Variants in CTNND2 observed in about 807,000 individuals in gnomAD.
The protein encoded by CTNND2 is catenin delta 2, also known as catenin delta-2.
CTNND2 carries 22 observed loss-of-function variants against 144.4 expected under a neutral mutation model. The observed-to-expected ratio is 0.15, with a 90% confidence interval of 0.11 to 0.22. The LOEUF (loss-of-function observed/expected upper bound fraction) is 0.22, where lower values mean the gene tolerates loss of function less well. Among genes scored for constraint, CTNND2 ranks in the 10% least tolerant of loss-of-function variants. The pLI, the probability that CTNND2 is intolerant of heterozygous loss-of-function variation, is 1.00. For synonymous variants in CTNND2, 751 were observed against 695.6 expected, an observed-to-expected ratio of 1.08 and a Z score of -1.25; for missense variants, 1,353 against 1,618.8, an observed-to-expected ratio of 0.84 and a Z score of 2.82.
chr5:11,004,147 C>T (rs1364412698), intron 18 of CTNND2, among the ~76,000 whole-genome samples: 6 of 152,274 alleles, frequency 3.9e-5, no homozygotes, highest in African/African-American at 4.8e-5. Flanking sequence ...AACAAAGAAA[C>T]GAAAACACCT....
Position 11,110,985 on chromosome 5 carries a change from G to A in CTNND2, c.2336C>T (p.Thr779Met), listed in dbSNP as rs769054597. The A allele has an allele frequency of 6.2e-6, 10 of 1,614,050 alleles. No individual in the cohort carries two copies. The highest frequency in any genetic ancestry group is 1.7e-4 in the Middle Eastern group (1 of 6,060). Reference sequence around the variant, plus strand: ...CGTGCCCATGTGCTGTCCCTGAGACGTTTCTGCCGCCAGCCGGTACGAGAG... The same window carrying A: ...CGTGCCCATGTGCTGTCCCTGAGACATTTCTGCCGCCAGCCGGTACGAGAG... ...RNLSYRLAAE[T>M]SQGQHMGTDE... The change falls in exon 14 of 22, where the codon ACG becomes ATG. Residue 779 changes from threonine (T) to methionine (M), a missense_variant. By Grantham distance (81) the Thr-to-Met change is moderately conservative. Transcript: ENST00000304623.
At chr5:11,232,726 T>C (rs1741173675) in intron 10 of CTNND2, among the ~76,000 whole-genome samples, 1 of 152,238 alleles carries the variant, frequency 6.6e-6, no homozygotes, top group Admixed American at 6.5e-5. Context: ...GTTAAGACTT[T>C]GGGGATTGTT....
rs373999031 is a variant in CTNND2 at position 11,580,835 on chromosome 5, A to G, written c.175-15779T>C. ...GTGAGACTGACTTTTTCACTGACAC[A>G]GTAGACTTTGAAAAACCATTTGAAA... On this transcript the variant is annotated intron_variant, in intron 2 of 21. Coordinates refer to ENST00000304623, the MANE Select transcript of CTNND2 (RefSeq NM_001332.4). Among the ~76,000 whole-genome samples the G allele has an allele frequency of 3.2e-4, 48 of 152,334 alleles. 1 individual carries two copies. The South Asian group carries it at 1.0e-2, about 32-fold the overall frequency.
chr5:10,986,630 A>G (rs577663662), intron 20 of CTNND2: 18 of 456,132 alleles, frequency 3.9e-5, no homozygotes, highest in African/African-American at 1.0e-4. Flanking sequence ...GTGAATGTGA[A>G]TAGTAACCTA....
chr5:11,662,151 AT>A, intron 2 of CTNND2, among the ~76,000 whole-genome samples: 1 of 118,972 alleles, frequency 8.4e-6, no homozygotes, highest in South Asian at 2.4e-4. Flanking sequence ...ATATACACAT[AT>A]ATATGTGTAT....
At chr5:11,709,329 GC>G (rs1785896975) in intron 2 of CTNND2, among the ~76,000 whole-genome samples, 1 of 152,132 alleles carries the variant, frequency 6.6e-6, no homozygotes, top group African/African-American at 2.4e-5. Context: ...AACATTACCA[GC>G]TAGAGTTAAC....
At chr5:11,409,973 T>C (rs1224653361) in intron 5 of CTNND2, among the ~76,000 whole-genome samples, 2 of 152,102 alleles carry the variant, frequency 1.3e-5, no homozygotes, top group African/African-American at 4.8e-5. Flanking sequence ...ATTTATTAAA[T>C]GTTACTCCTT....
At chr5:11,237,425 G>A (rs1741774141) in intron 9 of CTNND2, among the ~76,000 whole-genome samples, 1 of 152,106 alleles carries the variant, frequency 6.6e-6, no homozygotes, top group African/African-American at 2.4e-5. Flanking sequence ...TAAAGATTAT[G>A]AAAAAATAAC....
rs141302945 is a variant in CTNND2, at chr5:11,397,050, G to A, written c.593C>T (p.Thr198Met). ...ACCTACCTGGCTGAAGCTCTGGCCCGTAGCTCGGGCTTGTGTGCCTCGGGC... is the reference window on the plus strand; with the variant it reads ...ACCTACCTGGCTGAAGCTCTGGCCCATAGCTCGGGCTTGTGTGCCTCGGGC... ...LPARGTQARA[T>M]GQSFSQGTTS... is the part of the protein sequence containing the mutation. The change falls in exon 6 of 22, where the codon ACG (threonine) becomes ATG (methionine). Residue 198 changes from threonine to methionine, a missense_variant. Coordinates refer to ENST00000304623, the MANE Select transcript of CTNND2 (RefSeq NM_001332.4). The A allele has an allele frequency of 4.0e-5, 65 of 1,613,588 alleles. No homozygotes were observed. Among genetic ancestry groups the A allele is most frequent in the Admixed American group, 1.2e-4 (7 of 60,022 alleles).
chr5:11,864,620 G>A (rs1175231279), intron 1 of CTNND2, among the ~76,000 whole-genome samples: 1 of 152,156 alleles, frequency 6.6e-6, no homozygotes, highest in East Asian at 1.9e-4. Flanking sequence ...CTCAGCCACA[G>A]GACTGCTAAC....
rs115023348 is a variant in CTNND2 at position 11,038,608 on chromosome 5, T to C, written c.2789-15629A>G. 5.4e-3 allele frequency among the ~76,000 whole-genome samples: 819 copies of C among 152,236 alleles called. 6 individuals carry two copies. The highest frequency in any genetic ancestry group is 0.015 in the African/African-American group (618 of 41,546). ...AAACTTGGAGCTCAGAGAGATGGAA[T>C]AATCTTTGAGACCTAGGTAGTGGAT... On this transcript the variant is annotated intron_variant, in intron 16 of 21. Coordinates refer to ENST00000304623, the MANE Select transcript of CTNND2 (RefSeq NM_001332.4).
chr5:11,114,012 G>A (rs1753290878), intron 13 of CTNND2, among the ~76,000 whole-genome samples: 1 of 152,062 alleles, frequency 6.6e-6, no homozygotes, highest in Non-Finnish European at 1.5e-5. Flanking sequence ...CACAGGCTCT[G>A]AGTCAACCTG....
At chr5:11,213,132 T>G (rs1738810630) in intron 10 of CTNND2, among the ~76,000 whole-genome samples, 1 of 152,220 alleles carries the variant, frequency 6.6e-6, no homozygotes, top group South Asian at 2.1e-4. Flanking sequence ...CTCAACCATT[T>G]TTGTTTCAAT....
intron 9 of CTNND2, among the ~76,000 whole-genome samples, chr5:11,333,234 A>G (rs1196278876): frequency 6.6e-6 from 1 of 151,814 alleles, no homozygotes; most frequent in Non-Finnish European, 1.5e-5. Flanking sequence ...GATTGTTTCA[A>G]CCTTTTGACT....
At chr5:11,437,900 A>G (rs188054262) in intron 3 of CTNND2, among the ~76,000 whole-genome samples, 2 of 152,338 alleles carry the variant, frequency 1.3e-5, no homozygotes, top group African/African-American at 4.8e-5. Flanking sequence ...CAAGCACTGC[A>G]AGCTCAGGGG....
At position 11,384,444 on chromosome 5, in the gene CTNND2, T is replaced by TA; in HGVS notation, c.1177+220dup. The TA allele has an allele frequency of 5.2e-6, 3 of 579,148 alleles. No homozygotes were observed. Among genetic ancestry groups the TA allele is most frequent in the South Asian group, 4.5e-5 (2 of 44,588 alleles). 35.9% of individuals were successfully genotyped at this position (579,148 alleles called of 1,614,324 possible). A position where few individuals can be genotyped will look rare whatever the true frequency, so the allele number is the denominator to read the frequency against. ...GGAGAGAAGAGAGTGATATAGGTGTTAGAGATTGAGACACCACATTACTCC... is the reference window on the plus strand; with the variant it reads ...GGAGAGAAGAGAGTGATATAGGTGTTAAGAGATTGAGACACCACATTACTCC... On this transcript the variant is annotated intron_variant, in intron 7 of 21. Transcript: ENST00000304623. The surrounding 1 kb of genome is among the most constrained non-coding windows in gnomAD (Gnocchi z 5.2).
At chr5:11,491,113 C>T (rs969332152) in intron 3 of CTNND2, among the ~76,000 whole-genome samples, 1 of 152,108 alleles carries the variant, frequency 6.6e-6, no homozygotes, top group Non-Finnish European at 1.5e-5. Flanking sequence ...TTTTTGAAAA[C>T]ACAGAGTGAA....
intron 18 of CTNND2, among the ~76,000 whole-genome samples, chr5:10,993,563 TAC>T (rs1286753119): frequency 6.6e-6 from 1 of 152,192 alleles, no homozygotes; most frequent in Non-Finnish European, 1.5e-5. Context: ...AATCCTCCTT[TAC>T]AGAGGCCATT....
chr5:11,681,533 A>C (rs1368427761), intron 2 of CTNND2, among the ~76,000 whole-genome samples: 1 of 152,212 alleles, frequency 6.6e-6, no homozygotes, highest in Non-Finnish European at 1.5e-5. Context: ...GTCTCTAAGA[A>C]ATCCTGCTCT....
Sources: allele counts gnomAD v4.1 joint callset (sites outside exome capture counted in the v4.1 genomes callset), GRCh38; gene constraint gnomAD v4.1.1; non-coding constraint Gnocchi (gnomAD v3.1); transcripts MANE v1.5; gene names NCBI Gene and HGNC (gene_info 2026-07-23, HGNC 2026-07-21).